DPY30: variants seen among roughly 807,000 people sequenced by gnomAD.
DPY30 encodes the protein dpy-30 histone methyltransferase complex regulatory subunit, also known as protein dpy-30 homolog.
A neutral mutation model predicts 16.2 loss-of-function variants in DPY30; 6 were observed. The ratio of observed to expected loss-of-function variants is 0.37; its 90% CI spans 0.20 to 0.73. The LOEUF is 0.73. Ranked by LOEUF, DPY30 falls within the 30% of genes least tolerant of loss-of-function variation. DPY30 has a pLI of 0.51. For synonymous variants in DPY30, 39 were observed against 38.8 expected, an observed-to-expected ratio of 1.00 and a Z score of -0.02; for missense variants, 73 against 113.1, an observed-to-expected ratio of 0.65 and a Z score of 1.61.
At chr2:32,039,518 T>C in intron 1 of DPY30, 26 bp from the exon 2 acceptor site, 2 of 1,611,406 alleles carry the variant, frequency 1.2e-6, no homozygotes. Flanking sequence ...GAGCCGCGAG[T>C]TACCTGGGAG....
rs1341985733 is a variant in DPY30 at position 32,030,142 on chromosome 2, G to C, written c.85-406C>G. Among the ~76,000 whole-genome samples the C allele has an allele frequency of 1.3e-5, 2 of 151,378 alleles. 1 individual carries two copies. Among genetic ancestry groups the C allele is most frequent in the South Asian group, 4.2e-4 (2 of 4,810 alleles). On this transcript the variant is annotated intron_variant, in intron 3 of 4. Coordinates refer to ENST00000342166, the MANE Select transcript of DPY30 (RefSeq NM_001321209.2). ...GTAAGAAAGCTGGTCACATCAGAGAGAGCAAGCTTCAGGGTCCAAGGCTTA... is the reference window on the plus strand; with the variant it reads ...GTAAGAAAGCTGGTCACATCAGAGACAGCAAGCTTCAGGGTCCAAGGCTTA...
At chr2:32,037,258 A>C (rs945607749) in intron 3 of DPY30, among the ~76,000 whole-genome samples, 2 of 152,174 alleles carry the variant, frequency 1.3e-5, no homozygotes, top group African/African-American at 4.8e-5. Flanking sequence ...TATGTGGATA[A>C]ATGTAAAATT....
chr2:32,035,950 A>G (rs539910998), intron 3 of DPY30, among the ~76,000 whole-genome samples: 17 of 151,766 alleles, frequency 1.1e-4, no homozygotes, highest in African/African-American at 2.9e-4. Flanking sequence ...AAAAAAAAAA[A>G]AAAGAAAAAG....
At chr2:32,034,893 G>T (rs925957102) in intron 3 of DPY30, among the ~76,000 whole-genome samples, 1 of 151,704 alleles carries the variant, frequency 6.6e-6, no homozygotes, top group African/African-American at 2.4e-5. Flanking sequence ...CAGCTACTCG[G>T]GAGGCTGAGG....
intron 3 of DPY30, among the ~76,000 whole-genome samples, chr2:32,037,186 C>T (rs1675776079): frequency 6.6e-6 from 1 of 151,920 alleles, no homozygotes; most frequent in Non-Finnish European, 1.5e-5. Context: ...AAAATGATAC[C>T]TTTTGGGAAA....
intron 3 of DPY30, among the ~76,000 whole-genome samples, chr2:32,037,250 T>C (rs1172577471): frequency 9.2e-5 from 14 of 152,168 alleles, no homozygotes; most frequent in Non-Finnish European, 1.5e-5. Flanking sequence ...ATGGTCAATA[T>C]GTGGATAAAT....
chr2:32,030,969 T>TG (rs1675517744), intron 3 of DPY30, among the ~76,000 whole-genome samples: 1 of 152,014 alleles, frequency 6.6e-6, no homozygotes, highest in African/African-American at 2.4e-5. Flanking sequence ...AAAACAATAA[T>TG]TACAATTAAA....
At chr2:32,023,305 CAG>C, downstream of DPY30, 1 of 388,504 alleles carries the variant, frequency 2.6e-6, no homozygotes, top group South Asian at 2.0e-5. Context: ...AATTTCTTCA[CAG>C]GGGACAATGA....
At chr2:32,038,584 G>A (rs985043820) in intron 3 of DPY30, among the ~76,000 whole-genome samples, 1 of 150,764 alleles carries the variant, frequency 6.6e-6, no homozygotes, top group Non-Finnish European at 1.5e-5. Context: ...TTTATTAAAT[G>A]TTGACTCCAC....
intron 3 of DPY30, among the ~76,000 whole-genome samples, chr2:32,031,754 G>A (rs1205406108): frequency 6.6e-6 from 1 of 151,776 alleles, no homozygotes; most frequent in Non-Finnish European, 1.5e-5. Flanking sequence ...TTAGCTGGAC[G>A]TAGTAGTGCG....
chr2:32,038,278 G>T (rs1373671093), intron 3 of DPY30, among the ~76,000 whole-genome samples: 12 of 150,622 alleles, frequency 8.0e-5, no homozygotes, highest in African/African-American at 2.9e-4. Flanking sequence ...GAGTAGCTGG[G>T]ATTAGTAGAG....
chr2:32,018,276 A>G (rs1675100444), intron 5 of DPY30, among the ~76,000 whole-genome samples: 1 of 152,246 alleles, frequency 6.6e-6, no homozygotes, highest in South Asian at 2.1e-4. Flanking sequence ...AAACCTTAAG[A>G]TACTTCCAAA....
chr2:32,017,236 A>C (rs1330200108), intron 5 of DPY30, among the ~76,000 whole-genome samples: 1 of 152,192 alleles, frequency 6.6e-6, no homozygotes, highest in Non-Finnish European at 1.5e-5. Flanking sequence ...ATGAGAGTTT[A>C]AGTGATGCTC....
At chr2:32,012,313 T>G (rs543142520) in intron 5 of DPY30, among the ~76,000 whole-genome samples, 3 of 151,658 alleles carry the variant, frequency 2.0e-5, no homozygotes, top group African/African-American at 7.3e-5. Flanking sequence ...ATCTCCACTG[T>G]ATATTTGTTT....
chr2:32,024,044 T>C lies in DPY30; in HGVS notation c.*140A>G. 1 of 1,495,208 alleles carries C rather than the reference T, an allele frequency of 6.7e-7. No homozygotes were observed. Among genetic ancestry groups the C allele is most frequent in the Non-Finnish European group, 8.8e-7 (1 of 1,130,348 alleles). The allele number at this position is 1,495,208 out of a possible 1,614,324, so 92.6% of individuals were successfully genotyped here. Reference sequence around the variant, plus strand: ...TCAAAATAAGGGAAATATGTTATCTTCTGCAATTCCAGAAATAGGTTCTGT... The same window carrying C: ...TCAAAATAAGGGAAATATGTTATCTCCTGCAATTCCAGAAATAGGTTCTGT... On this transcript the variant is annotated 3_prime_UTR_variant, in exon 5 of 5. Transcript: ENST00000342166.
chr2:32,022,072 C>T (rs1675197017), downstream of DPY30, among the ~76,000 whole-genome samples: 1 of 152,002 alleles, frequency 6.6e-6, no homozygotes, highest in East Asian at 1.9e-4. Flanking sequence ...TCGCTGGGGA[C>T]AGTGGCATGC....
chr2:32,039,309 G>C lies in DPY30; in HGVS notation c.54C>G (p.His18Gln). ...CGTTGTCTGTGAGACCGTACTCAGA[G>C]TGAGGATTTTCTGCAACCTAGAAAA... ...EGQTQVAENP[H>Q]SEYGLTDNVE... The change falls in exon 3 of 5, where the codon CAC (histidine) becomes CAG (glutamine). Residue 18 changes from histidine to glutamine, a missense_variant. By Grantham distance (24) the His-to-Gln change is conservative (BLOSUM62 0). This residue lies in a region of DPY30 where 52 missense variants were observed against 71.5 expected (regional missense o/e 0.73). Coordinates refer to ENST00000342166, the MANE Select transcript of DPY30 (RefSeq NM_001321209.2). 2 of 1,614,162 alleles carry C rather than the reference G, an allele frequency of 1.2e-6. No individual in the cohort carries two copies. The highest frequency in any genetic ancestry group is 1.7e-6 in the Non-Finnish European group (2 of 1,180,032).
chr2:32,026,749 C>T (rs148126283), intron 4 of DPY30, among the ~76,000 whole-genome samples: 1,621 of 152,058 alleles, frequency 0.011, 99 homozygotes, highest in Admixed American at 0.094. Flanking sequence ...CATCGTGCCA[C>T]TGCACTCCAC....
chr2:32,036,409 C>A (rs538120508), intron 3 of DPY30, among the ~76,000 whole-genome samples: 1 of 152,188 alleles, frequency 6.6e-6, no homozygotes, highest in Admixed American at 6.5e-5. Context: ...CGGTGGCTCA[C>A]GCCTGTAATC....
Sources: gnomAD v4.1 joint callset for allele counts (sites outside exome capture counted in the v4.1 genomes callset) on GRCh38, gnomAD v4.1.1 for gene constraint, gnomAD v4.1.1 regional missense constraint, MANE v1.5 for transcripts, NCBI Gene and HGNC (gene_info 2026-07-23, HGNC 2026-07-21) for gene names.